Variants in PRKN observed in about 807,000 individuals in gnomAD.
The protein encoded by PRKN is parkin RBR E3 ubiquitin protein ligase, also known as E3 ubiquitin-protein ligase parkin.
A neutral mutation model predicts 59.5 loss-of-function variants in PRKN; 56 were observed. That is an observed-to-expected ratio of 0.94 (90% confidence interval 0.76 to 1.18). PRKN has a LOEUF of 1.18. Among genes scored for constraint, PRKN ranks in the 50% most tolerant of loss-of-function variants. PRKN has a pLI of 0.00. For missense variants in PRKN, 657 were observed against 596.4 expected (o/e 1.10, Z -1.06); for synonymous variants, 250 against 222.1 (o/e 1.13, Z -1.12).
At chr6:162,137,152 A>C (rs777684808) in intron 4 of PRKN, among the ~76,000 whole-genome samples, 1 of 152,146 alleles carries the variant, frequency 6.6e-6, no homozygotes, top group Non-Finnish European at 1.5e-5. Flanking sequence ...CTTCAGCTTC[A>C]AGTGGGTTAC....
At chr6:162,567,397 A>G (rs2128207707) in intron 1 of PRKN, among the ~76,000 whole-genome samples, 1 of 152,350 alleles carries the variant, frequency 6.6e-6, no homozygotes, top group South Asian at 2.1e-4. Flanking sequence ...AAACCATTAG[A>G]ACTGATACCC....
At chr6:161,403,976 C>G (rs981887796) in intron 9 of PRKN, among the ~76,000 whole-genome samples, 2 of 152,130 alleles carry the variant, frequency 1.3e-5, no homozygotes, top group Non-Finnish European at 2.9e-5. Flanking sequence ...GCCAAATAAA[C>G]TTTTCTTTAT....
At chr6:161,940,288 A>AAAAG (rs1464572874) in intron 6 of PRKN, among the ~76,000 whole-genome samples, 2 of 152,106 alleles carry the variant, frequency 1.3e-5, no homozygotes, top group South Asian at 4.1e-4. Context: ...TAGCAAAAAA[A>AAAAG]AAAAGAAAAG....
rs757210157 is a variant in PRKN, at chr6:161,462,205, A to G, written c.1084-75328T>C. Among the ~76,000 whole-genome samples, 9 of 152,206 alleles carry G rather than the reference A, an allele frequency of 5.9e-5. No homozygotes were observed. Among genetic ancestry groups the G allele is most frequent in the Non-Finnish European group, 1.0e-4 (7 of 68,032 alleles). On this transcript the variant is annotated intron_variant, in intron 9 of 11. Transcript: ENST00000366898. This position sits in a 1 kb window ranked among gnomAD's most constrained non-coding sequence, Gnocchi z 4.5. ...GCCTCTACTGTCTTCCAATATGACC[A>G]AAGTCTAGTCCATCTAGAGAGATCA...
At chr6:161,482,242 C>A (rs752629522) in intron 9 of PRKN, among the ~76,000 whole-genome samples, 1 of 152,140 alleles carries the variant, frequency 6.6e-6, no homozygotes, top group Non-Finnish European at 1.5e-5. Flanking sequence ...AGTTTTATGG[C>A]TCCAATATTA....
At chr6:162,641,978 T>G (rs1777980894) in intron 1 of PRKN, among the ~76,000 whole-genome samples, 1 of 152,244 alleles carries the variant, frequency 6.6e-6, no homozygotes, top group Non-Finnish European at 1.5e-5. Flanking sequence ...CTCATTATTC[T>G]CTTCATATGC....
intron 1 of PRKN, among the ~76,000 whole-genome samples, chr6:162,706,146 A>C (rs1408753065): frequency 6.6e-6 from 1 of 152,014 alleles, no homozygotes; most frequent in Non-Finnish European, 1.5e-5. Context: ...AAAAAAAAAA[A>C]AAAAGACCAC....
intron 3 of PRKN, among the ~76,000 whole-genome samples, chr6:162,259,515 G>A (rs1001971896): frequency 6.6e-6 from 1 of 152,230 alleles, no homozygotes; most frequent in Admixed American, 6.5e-5. Context: ...CTGCACATGA[G>A]AGTCTGTGAA....
At chr6:161,809,306 A>C (rs1173256227) in intron 6 of PRKN, among the ~76,000 whole-genome samples, 1 of 7,246 alleles carries the variant, frequency 1.4e-4, no homozygotes, top group Non-Finnish European at 3.6e-4. Flanking sequence ...AGGAATTACC[A>C]CTTGGGGCTG....
intron 1 of PRKN, among the ~76,000 whole-genome samples, chr6:162,606,439 G>A (rs978053531): frequency 3.3e-5 from 5 of 152,148 alleles, no homozygotes; most frequent in African/African-American, 4.8e-5. Context: ...TGAAAAACAG[G>A]ATGGCTGTAT....
intron 2 of PRKN, among the ~76,000 whole-genome samples, chr6:162,380,213 G>A (rs1786354595): frequency 6.6e-6 from 1 of 151,760 alleles, no homozygotes; most frequent in African/African-American, 2.4e-5. Flanking sequence ...GCTTATTAGG[G>A]CAAGTAAATT....
chr6:161,519,746 C>T (rs1456541457), intron 9 of PRKN, among the ~76,000 whole-genome samples: 1 of 152,188 alleles, frequency 6.6e-6, no homozygotes, highest in East Asian at 1.9e-4. Flanking sequence ...ATCATTTTTA[C>T]ATTTAGCCAT....
At chr6:161,615,306 G>T (rs564420865) in intron 7 of PRKN, among the ~76,000 whole-genome samples, 88 of 152,072 alleles carry the variant, frequency 5.8e-4, no homozygotes, top group African/African-American at 2.1e-3. Context: ...TAACCCCAAA[G>T]CTATTATTAA....
chr6:161,697,973 T>C (rs1212845602), intron 7 of PRKN, among the ~76,000 whole-genome samples: 1 of 152,172 alleles, frequency 6.6e-6, no homozygotes, highest in African/African-American at 2.4e-5. Flanking sequence ...AGTGTTTCTT[T>C]TCATGTCTTG....
chr6:162,588,521 G>A (rs1303073270), intron 1 of PRKN, among the ~76,000 whole-genome samples: 1 of 152,082 alleles, frequency 6.6e-6, no homozygotes, highest in African/African-American at 2.4e-5. Context: ...TGTGCTTTGT[G>A]CGGTCCTGCT....
chr6:161,919,919 G>A (rs1433510755), intron 6 of PRKN, among the ~76,000 whole-genome samples: 2 of 152,172 alleles, frequency 1.3e-5, no homozygotes, highest in Admixed American at 6.5e-5. Flanking sequence ...GTCATGAGTC[G>A]CTTAACCACA....
intron 1 of PRKN, among the ~76,000 whole-genome samples, chr6:162,588,167 T>C (rs922278040): frequency 2.0e-5 from 3 of 151,618 alleles, no homozygotes; most frequent in African/African-American, 7.3e-5. Flanking sequence ...CATGCCGCCA[T>C]CCCTAACTAA....
chr6:161,450,958 CA>C (rs1026126936), intron 9 of PRKN, among the ~76,000 whole-genome samples: 24 of 152,022 alleles, frequency 1.6e-4, no homozygotes, highest in Non-Finnish European at 4.4e-5. Context: ...AAGACAACTG[CA>C]AAAAATCAAC....
chr6:161,977,720 TGTATTTTTAGTAGAGAC>T (rs1361245977), intron 5 of PRKN, among the ~76,000 whole-genome samples: 8 of 150,836 alleles, frequency 5.3e-5, no homozygotes, highest in African/African-American at 1.9e-4. Context: ...GCTACTTTTT[TGTATTTTTAGTAGAGAC>T]GGGGTTTCAC....
Sources: allele counts gnomAD v4.1 joint callset (sites outside exome capture counted in the v4.1 genomes callset), GRCh38; gene constraint gnomAD v4.1.1; non-coding constraint Gnocchi (gnomAD v3.1); transcripts MANE v1.5; gene names NCBI Gene and HGNC (gene_info 2026-07-23, HGNC 2026-07-21).